Variants in C1QTNF1 observed in about 807,000 individuals in gnomAD.
The protein encoded by C1QTNF1 is complement C1q tumor necrosis factor-related protein 1.
C1QTNF1 carries 22 observed loss-of-function variants against 27.8 expected under a neutral mutation model. The ratio of observed to expected loss-of-function variants is 0.79; its 90% CI spans 0.56 to 1.13. C1QTNF1 has a LOEUF of 1.13. Among genes scored for constraint, C1QTNF1 ranks in the 50% most tolerant of loss-of-function variants. The pLI is 0.00. For synonymous variants in C1QTNF1, 166 were observed against 154.3 expected, an observed-to-expected ratio of 1.08 and a Z score of -0.56; for missense variants, 373 against 380.2, an observed-to-expected ratio of 0.98 and a Z score of 0.16.
At chr17:79,028,994 C>G (rs1387776895) in intron 1 of C1QTNF1, among the ~76,000 whole-genome samples, 1 of 152,074 alleles carries the variant, frequency 6.6e-6, no homozygotes, top group Non-Finnish European at 1.5e-5. Context: ...AAGATGCTAG[C>G]AGGCTGGCAC....
At chr17:79,032,764 T>C (rs2072169212) in intron 1 of C1QTNF1, among the ~76,000 whole-genome samples, 1 of 152,060 alleles carries the variant, frequency 6.6e-6, no homozygotes, top group Non-Finnish European at 1.5e-5. Flanking sequence ...AATTGGGGGC[T>C]TAAAAGCCTT....
intron 3 of C1QTNF1, 30 bp from the exon 4 acceptor site, chr17:79,047,508 T>G: frequency 1.3e-6 from 2 of 1,516,176 alleles, no homozygotes; most frequent in Middle Eastern, 1.9e-4. Context: ...ATTGCTCCAT[T>G]AACAGCACGC....
At chr17:79,028,881 A>G (rs2145886920) in intron 1 of C1QTNF1, among the ~76,000 whole-genome samples, 1 of 119,822 alleles carries the variant, frequency 8.3e-6, no homozygotes, top group East Asian at 2.9e-4. Flanking sequence ...CTCACATTTT[A>G]AGGTGTGTGT....
At chr17:79,042,579 T>C (rs996029062) in intron 1 of C1QTNF1, among the ~76,000 whole-genome samples, 4 of 152,252 alleles carry the variant, frequency 2.6e-5, no homozygotes, top group African/African-American at 9.6e-5. Context: ...GCCACCTTCC[T>C]ACCCACCTAC....
intron 1 of C1QTNF1, among the ~76,000 whole-genome samples, chr17:79,026,162 C>CTTT (rs562248895): frequency 5.9e-4 from 87 of 146,462 alleles, no homozygotes; most frequent in African/African-American, 2.1e-3. Context: ...TCATATGCTT[C>CTTT]TTTTTTTTTT....
At chr17:79,025,905 A>G in intron 1 of C1QTNF1, 1 of 375,862 alleles carries the variant, frequency 2.7e-6, no homozygotes, top group Non-Finnish European at 5.5e-6. Context: ...CATCATCACC[A>G]TCATCATCAT....
intron 2 of C1QTNF1, among the ~76,000 whole-genome samples, chr17:79,044,914 C>T (rs1293887572): frequency 6.6e-6 from 1 of 152,222 alleles, no homozygotes; most frequent in Non-Finnish European, 1.5e-5. Flanking sequence ...GTTCTTTCTT[C>T]CTCTCCCTCC....
intron 1 of C1QTNF1, among the ~76,000 whole-genome samples, chr17:79,040,292 T>A (rs1313184293): frequency 6.6e-6 from 1 of 152,170 alleles, no homozygotes. Context: ...AAACCGTGTC[T>A]TTACGAAAAA....
intron 3 of C1QTNF1, 69 bp from the exon 4 acceptor site, chr17:79,047,469 T>C (rs2145935440): frequency 1.4e-6 from 2 of 1,431,650 alleles, no homozygotes; most frequent in Non-Finnish European, 1.9e-6. Flanking sequence ...GACCGGAGAG[T>C]GAGCAGCCAA....
chr17:79,041,130 G>A (rs2072396353), intron 1 of C1QTNF1, among the ~76,000 whole-genome samples: 2 of 151,862 alleles, frequency 1.3e-5, no homozygotes. Context: ...CCCTTTTTTT[G>A]GCAAGTGGTG....
At position 79,039,928 on chromosome 17, in the gene C1QTNF1, A is replaced by C. The variant is rs538064037; in HGVS notation, c.-14-4027A>C. On this transcript the variant is annotated intron_variant, in intron 1 of 3. Transcript: ENST00000579760. ...AATCTCTTTTCCTTTTAACTGGTAC[A>C]AGTTTGCCACTTAAAAGGAAAAAAC... Among the ~76,000 whole-genome samples the C allele has an allele frequency of 3.3e-5, 5 of 152,250 alleles. No individual in the cohort carries two copies. In the East Asian group the frequency reaches 9.6e-4, roughly 29 times the overall value.
chr17:79,035,665 A>C (rs2072247858), intron 1 of C1QTNF1, among the ~76,000 whole-genome samples: 1 of 152,300 alleles, frequency 6.6e-6, no homozygotes, highest in South Asian at 2.1e-4. Flanking sequence ...TCTTGGCCTC[A>C]AGTGATCTGC....
Position 79,046,541 on chromosome 17 carries a change from CT to C in C1QTNF1, c.156-11del. 1 of 1,614,072 alleles carries C rather than the reference CT, an allele frequency of 6.2e-7. No individual in the cohort carries two copies. The highest frequency in any genetic ancestry group is 8.5e-7 in the Non-Finnish European group (1 of 1,179,984). The stretch of plus-strand genomic sequence containing the variant: ...AGAGTGGCTGACTTTCACTGTGATT[CT>C]TTATTCCCTCAGGGCTGAAGAACAA... On this transcript the variant is annotated splice_polypyrimidine_tract_variant and intron_variant, in intron 2 of 3. Coordinates refer to ENST00000579760, the MANE Select transcript of C1QTNF1 (RefSeq NM_030968.5). This position sits in a 1 kb window ranked among gnomAD's most constrained non-coding sequence, Gnocchi z 4.8.
intron 2 of C1QTNF1, among the ~76,000 whole-genome samples, chr17:79,045,475 G>A (rs767993768): frequency 6.6e-6 from 1 of 152,188 alleles, no homozygotes; most frequent in African/African-American, 2.4e-5. Flanking sequence ...GGTGCGGGGA[G>A]GGGCAGATTC....
intron 2 of C1QTNF1, 32 bp downstream of exon 2, chr17:79,044,155 C>A (rs368177181): frequency 6.4e-7 from 1 of 1,557,458 alleles, no homozygotes; most frequent in South Asian, 1.2e-5. Context: ...ATAGCAGGAG[C>A]TCTGGCTCTG....
intron 1 of C1QTNF1, among the ~76,000 whole-genome samples, chr17:79,026,462 G>A (rs768546368): frequency 1.2e-4 from 18 of 152,158 alleles, no homozygotes; most frequent in Non-Finnish European, 2.6e-4. Flanking sequence ...CCTCCGGGGC[G>A]TATACTTTTA....
intron 1 of C1QTNF1, among the ~76,000 whole-genome samples, chr17:79,025,438 C>T (rs1372803808): frequency 6.6e-6 from 1 of 152,160 alleles, no homozygotes; most frequent in Non-Finnish European, 1.5e-5. Context: ...TTCTACCCCA[C>T]CTAGTTTCTA....
intron 1 of C1QTNF1, among the ~76,000 whole-genome samples, chr17:79,035,365 G>C (rs1320942559): frequency 6.6e-6 from 1 of 152,122 alleles, no homozygotes; most frequent in African/African-American, 2.4e-5. Flanking sequence ...GGCACGAAGG[G>C]GTGGTGATGG....
chr17:79,026,615 C>T (rs1477297154), intron 1 of C1QTNF1, among the ~76,000 whole-genome samples: 4 of 152,234 alleles, frequency 2.6e-5, no homozygotes, highest in Admixed American at 6.5e-5. Flanking sequence ...CTTCTCCTCC[C>T]GCCTCCCTCT....
Sources: allele counts gnomAD v4.1 joint callset (sites outside exome capture counted in the v4.1 genomes callset), GRCh38; gene constraint gnomAD v4.1.1; non-coding constraint Gnocchi (gnomAD v3.1); transcripts MANE v1.5; gene names NCBI Gene and HGNC (gene_info 2026-07-23, HGNC 2026-07-21).